STX8: variants seen among roughly 807,000 people sequenced by gnomAD.
The protein encoded by STX8 is syntaxin 8, also known as syntaxin-8.
STX8 carries 23 observed loss-of-function variants against 37.5 expected under a neutral mutation model. That is an observed-to-expected ratio of 0.61 (90% CI 0.44 to 0.87). The LOEUF (loss-of-function observed/expected upper bound fraction) is 0.87. Among genes scored for constraint, STX8 ranks in the 40% least tolerant of loss-of-function variants. The pLI is 0.00. For synonymous variants in STX8, 115 were observed against 99.1 expected, an observed-to-expected ratio of 1.16 and a Z score of -0.95; for missense variants, 313 against 284.7, an observed-to-expected ratio of 1.10 and a Z score of -0.71.
intron 6 of STX8, among the ~76,000 whole-genome samples, chr17:9,458,073 G>A (rs571093676): frequency 6.6e-6 from 1 of 152,178 alleles, no homozygotes; most frequent in Admixed American, 6.5e-5. Flanking sequence ...ACCAAGGCTC[G>A]TTTGAATTTT....
intron 7 of STX8, among the ~76,000 whole-genome samples, chr17:9,370,731 A>T (rs896888805): frequency 2.0e-5 from 3 of 152,186 alleles, no homozygotes; most frequent in Non-Finnish European, 2.9e-5. Flanking sequence ...GGTCTTTCAC[A>T]ATTGGCGCCC....
intron 7 of STX8, among the ~76,000 whole-genome samples, chr17:9,293,171 GC>G (rs1364166822): frequency 6.6e-6 from 1 of 152,172 alleles, no homozygotes; most frequent in Non-Finnish European, 1.5e-5. Context: ...TTTACAAAGT[GC>G]CAAGCATTGT....
intron 6 of STX8, among the ~76,000 whole-genome samples, chr17:9,472,256 C>G (rs1327371068): frequency 6.6e-6 from 1 of 152,206 alleles, no homozygotes; most frequent in East Asian, 1.9e-4. Context: ...CTTGTTCAAC[C>G]TCGGCTGGGA....
intron 7 of STX8, among the ~76,000 whole-genome samples, chr17:9,333,608 C>T (rs185837576): frequency 6.6e-6 from 1 of 152,282 alleles, no homozygotes; most frequent in East Asian, 1.9e-4. Context: ...CCAGGATGGT[C>T]TGGATCTCCT....
chr17:9,559,753 TATA>T (rs1424012889), intron 2 of STX8, among the ~76,000 whole-genome samples: 14 of 45,004 alleles, frequency 3.1e-4, no homozygotes, highest in African/African-American at 9.4e-4. Flanking sequence ...TATATATATA[TATA>T]TATATTTTTT....
intron 7 of STX8, among the ~76,000 whole-genome samples, chr17:9,254,170 G>C (rs921894572): frequency 6.6e-6 from 1 of 152,172 alleles, no homozygotes; most frequent in Non-Finnish European, 1.5e-5. Flanking sequence ...GCCGCACTCT[G>C]CGCGCTGTGT....
At position 9,444,442 on chromosome 17, in the gene STX8, T is replaced by C. The variant is rs187297950; in HGVS notation, c.541+47387A>G. Among the ~76,000 whole-genome samples the C allele has an allele frequency of 1.8e-4, 27 of 152,322 alleles. No individual in the cohort carries two copies. The East Asian group carries it at 5.2e-3, about 29-fold the overall frequency. ...TCATGTGTGTCCTGACTAGCGCTGA[T>C]TTGGTGGAATTATTTCCAGTTTAGA... On this transcript the variant is annotated intron_variant, in intron 6 of 7. Transcript: ENST00000306357.
intron 4 of STX8, 126 bp downstream of exon 4, chr17:9,545,046 C>A: frequency 1.6e-6 from 1 of 638,140 alleles, no homozygotes; most frequent in Admixed American, 3.1e-5. Context: ...AAATTATAGT[C>A]AAACACCATA....
intron 6 of STX8, among the ~76,000 whole-genome samples, chr17:9,484,370 G>A (rs1270400418): frequency 8.2e-5 from 12 of 145,590 alleles, no homozygotes; most frequent in Non-Finnish European, 1.8e-4. Context: ...AGAAAAGGAT[G>A]CCCAACCTAA....
At chr17:9,367,384 A>C (rs7209588) in intron 7 of STX8, among the ~76,000 whole-genome samples, 3 of 151,540 alleles carry the variant, frequency 2.0e-5, no homozygotes, top group Non-Finnish European at 4.4e-5. Flanking sequence ...TCCAGATCAC[A>C]ACCTTCTTGC....
At chr17:9,268,750 G>A (rs1334246588) in intron 7 of STX8, among the ~76,000 whole-genome samples, 1 of 152,174 alleles carries the variant, frequency 6.6e-6, no homozygotes, top group African/African-American at 2.4e-5. Context: ...ACACAGACCT[G>A]CAGGCAATGT....
intron 6 of STX8, among the ~76,000 whole-genome samples, chr17:9,449,589 T>A (rs1904970230): frequency 6.6e-6 from 1 of 151,820 alleles, no homozygotes; most frequent in Non-Finnish European, 1.5e-5. Flanking sequence ...AAACAAATTG[T>A]GGTACAGCTA....
intron 4 of STX8, among the ~76,000 whole-genome samples, chr17:9,514,263 C>A (rs1905105060): frequency 6.6e-6 from 1 of 152,118 alleles, no homozygotes; most frequent in Non-Finnish European, 1.5e-5. Flanking sequence ...TGTATGAAAA[C>A]ATCACTATGT....
At chr17:9,449,550 G>A (rs1396227808) in intron 6 of STX8, among the ~76,000 whole-genome samples, 2 of 151,954 alleles carry the variant, frequency 1.3e-5, no homozygotes, top group African/African-American at 4.8e-5. Flanking sequence ...GACAGAGCGA[G>A]ACTCCGTCTC....
intron 2 of STX8, among the ~76,000 whole-genome samples, chr17:9,566,288 A>G (rs1907456620): frequency 6.6e-6 from 1 of 152,226 alleles, no homozygotes; most frequent in Admixed American, 6.5e-5. Flanking sequence ...GGTTATTACT[A>G]AAAAGTCAAA....
chr17:9,557,621 G>A (rs1907032227), intron 2 of STX8, 93 bp from the exon 3 acceptor site: 4 of 1,073,168 alleles, frequency 3.7e-6, no homozygotes, highest in Non-Finnish European at 5.6e-6. Flanking sequence ...GGGCTATGAT[G>A]CAACCAAGCA....
At chr17:9,332,904 G>GATAT (rs1910008986) in intron 7 of STX8, among the ~76,000 whole-genome samples, 2 of 152,080 alleles carry the variant, frequency 1.3e-5, no homozygotes, top group Admixed American at 1.3e-4. Flanking sequence ...GATATTTTTG[G>GATAT]CTACCTTTGG....
intron 4 of STX8, among the ~76,000 whole-genome samples, chr17:9,529,389 T>C (rs576112892): frequency 6.6e-6 from 1 of 152,318 alleles, no homozygotes; most frequent in South Asian, 2.1e-4. Flanking sequence ...TACATGTACA[T>C]GTAGTATATA....
In STX8 at chr17:9,378,683, C is replaced by T. The variant is rs1464365088; in HGVS notation, c.542-30G>A. On this transcript the variant is annotated intron_variant, in intron 6 of 7. Coordinates refer to ENST00000306357, the MANE Select transcript of STX8 (RefSeq NM_004853.3). ...AAAGGAAACATACATGATTACTATT[C>T]CTGAAATACCCCGGTTCACATCACA... 6 of 1,517,216 alleles carry T rather than the reference C, an allele frequency of 4.0e-6. No homozygotes were observed. In the East Asian group the frequency reaches 1.1e-4, roughly 29 times the overall value. 94.0% of individuals were successfully genotyped at this position (1,517,216 alleles called of 1,614,324 possible). A position where few individuals can be genotyped will look rare whatever the true frequency, so the allele number is the denominator to read the frequency against.
Sources: allele counts gnomAD v4.1 joint callset (sites outside exome capture counted in the v4.1 genomes callset), GRCh38; gene constraint gnomAD v4.1.1; transcripts MANE v1.5; gene names NCBI Gene and HGNC (gene_info 2026-07-23, HGNC 2026-07-21).